Variants in PSMG2 observed in about 807,000 individuals in gnomAD.
PSMG2 encodes the protein proteasome assembly chaperone 2.
A neutral mutation model predicts 31.5 loss-of-function variants in PSMG2; 21 were observed. The observed-to-expected ratio is 0.67, with a 90% CI of 0.47 to 0.96. The LOEUF (loss-of-function observed/expected upper bound fraction) is 0.96, where lower values mean the gene tolerates loss of function less well. Among genes scored for constraint, PSMG2 ranks in the 40% least tolerant of loss-of-function variants. PSMG2 has a pLI of 0.00. For synonymous variants in PSMG2, 120 were observed against 110.4 expected, an observed-to-expected ratio of 1.09 and a Z score of -0.54; for missense variants, 318 against 321.2, an observed-to-expected ratio of 0.99 and a Z score of 0.08.
At chr18:12,680,803 A>G in intron 1 of PSMG2, 3 of 1,611,036 alleles carry the variant, frequency 1.9e-6, no homozygotes, top group Non-Finnish European at 2.5e-6. Flanking sequence ...GCTGCACAGA[A>G]GGTTAGCGTG....
intron 1 of PSMG2, among the ~76,000 whole-genome samples, chr18:12,704,896 G>C (rs1387033077): frequency 6.6e-6 from 1 of 152,178 alleles, no homozygotes; most frequent in African/African-American, 2.4e-5. Context: ...GGGAGAACAT[G>C]CTGAGGGAAC....
chr18:12,674,650 T>C lies in PSMG2; in HGVS notation c.-37+15877T>C, dbSNP rs373646506. 4.3e-5 allele frequency: 70 copies of C among 1,613,870 alleles called. No homozygotes were observed. Among genetic ancestry groups the C allele is most frequent in the African/African-American group, 2.4e-4 (18 of 74,904 alleles). On this transcript the variant is annotated intron_variant, in intron 1 of 6. Coordinates refer to the PSMG2 transcript ENST00000585331. The stretch of plus-strand genomic sequence containing the variant: ...TCTTATGGCATCTTGAAATTCTTCA[T>C]TGCCTGCTGATATACTTGTTGTACG...
upstream of PSMG2, chr18:12,702,678 C>T: frequency 9.6e-7 from 1 of 1,041,098 alleles, no homozygotes; most frequent in East Asian, 2.9e-5. Context: ...TAGCGCAGCT[C>T]CCGGGGGACG....
rs1259653623 is a variant in PSMG2 at position 12,675,866 on chromosome 18, A to C, written c.-37+17093A>C. ...GTATTTTTAGTAGAGACGGGCTTTC[A>C]CCATGTTGGCCAGGCTGGTCTCAAA... On this transcript the variant is annotated intron_variant, in intron 1 of 6. Transcript: ENST00000585331. 4.0e-5 allele frequency among the ~76,000 whole-genome samples: 6 copies of C among 151,754 alleles called. No homozygotes were observed. In the East Asian group the frequency reaches 1.2e-3, roughly 29 times the overall value.
intron 2 of PSMG2, among the ~76,000 whole-genome samples, chr18:12,711,233 C>A (rs1424308892): frequency 6.6e-6 from 1 of 151,636 alleles, no homozygotes; most frequent in Non-Finnish European, 1.5e-5. Flanking sequence ...TATCGCACCA[C>A]TGCACTTCAG....
chr18:12,675,562 CTT>C, intron 1 of PSMG2, among the ~76,000 whole-genome samples: 1 of 152,066 alleles, frequency 6.6e-6, no homozygotes, highest in Non-Finnish European at 1.5e-5. Flanking sequence ...CTCTATAAAA[CTT>C]ATATACTGTA....
upstream of PSMG2, chr18:12,702,820 C>G: frequency 1.8e-6 from 1 of 560,338 alleles, no homozygotes; most frequent in Non-Finnish European, 3.1e-6. Context: ...TTCCGCCCGC[C>G]GCTCCACCTC....
At chr18:12,713,557 T>A (rs910805895) in intron 3 of PSMG2, among the ~76,000 whole-genome samples, 2 of 152,154 alleles carry the variant, frequency 1.3e-5, no homozygotes, top group Non-Finnish European at 2.9e-5. Flanking sequence ...TGCTAACTCA[T>A]AGGGCTCATG....
intron 1 of PSMG2, among the ~76,000 whole-genome samples, chr18:12,664,175 A>AAG (rs71174120): frequency 0.37 from 56,796 of 151,704 alleles, 10,885 homozygotes; most frequent in Non-Finnish European, 0.43. Context: ...CAAAAGAAAA[A>AAG]AGAGTCCTCC....
chr18:12,660,075 C>T (rs549953918), intron 1 of PSMG2, among the ~76,000 whole-genome samples: 2 of 152,274 alleles, frequency 1.3e-5, no homozygotes, highest in African/African-American at 4.8e-5. Flanking sequence ...GCCCATTGCA[C>T]TTGGACAACT....
upstream of PSMG2, chr18:12,702,401 T>A: frequency 9.7e-7 from 1 of 1,027,192 alleles, no homozygotes; most frequent in Admixed American, 1.8e-5. Context: ...GGCAAGCAGA[T>A]GCCGCTGTCG....
chr18:12,667,797 AT>A (rs1227149575), intron 1 of PSMG2, among the ~76,000 whole-genome samples: 4 of 150,264 alleles, frequency 2.7e-5, no homozygotes, highest in Admixed American at 2.7e-4. Flanking sequence ...AGAAAATATA[AT>A]ATTCACTTAA....
rs1199763075 is a variant in PSMG2 at position 12,719,310 on chromosome 18, A to T, written c.407+675A>T. ...TAAATGTAAGACAGAGTATCCCAGA[A>T]ATAGAACTATAAGCTATCATTACCA... On this transcript the variant is annotated intron_variant, in intron 4 of 6. Coordinates refer to ENST00000317615, the MANE Select transcript of PSMG2 (RefSeq NM_020232.5). 2.0e-5 allele frequency among the ~76,000 whole-genome samples: 3 copies of T among 152,354 alleles called. 1 individual carries two copies. The South Asian group carries it at 6.2e-4, about 32-fold the overall frequency.
At chr18:12,684,188 C>A (rs2039456742) in intron 1 of PSMG2, 1 of 152,038 alleles carries the variant, frequency 6.6e-6, no homozygotes, top group African/African-American at 2.4e-5. Context: ...CAAGGATGAT[C>A]TCGATCTCCT....
At chr18:12,704,938 G>A (rs2040249288) in intron 1 of PSMG2, among the ~76,000 whole-genome samples, 1 of 152,190 alleles carries the variant, frequency 6.6e-6, no homozygotes, top group Admixed American at 6.5e-5. Context: ...AGGAGTTGTT[G>A]GAAGAATGCA....
At chr18:12,679,444 GCAGGCACT>G (rs1488227124) in intron 1 of PSMG2, among the ~76,000 whole-genome samples, 1 of 152,178 alleles carries the variant, frequency 6.6e-6, no homozygotes, top group African/African-American at 2.4e-5. Flanking sequence ...AAGCACACTA[GCAGGCACT>G]CTGGCTTTGT....
chr18:12,694,735 G>T (rs1193445681), intron 1 of PSMG2, among the ~76,000 whole-genome samples: 1 of 123,366 alleles, frequency 8.1e-6, no homozygotes, highest in African/African-American at 2.6e-5. Flanking sequence ...TTTTTGAGAT[G>T]GAGTCTTGCT....
At chr18:12,698,973 T>C (rs771305503), upstream of PSMG2, 1 of 1,585,642 alleles carries the variant, frequency 6.3e-7, no homozygotes, top group East Asian at 2.2e-5. Flanking sequence ...TATTACTGTT[T>C]CTTACCCAAG....
chr18:12,712,791 A>G (rs1256225386), intron 3 of PSMG2, 31 bp downstream of exon 3: 9 of 1,520,286 alleles, frequency 5.9e-6, no homozygotes, highest in Non-Finnish European at 8.2e-6. Flanking sequence ...CTTTTTGTTT[A>G]TTAAAGTGTA....
Sources: gnomAD v4.1 joint callset for allele counts (sites outside exome capture counted in the v4.1 genomes callset) on GRCh38, gnomAD v4.1.1 for gene constraint, MANE v1.5 for transcripts, NCBI Gene and HGNC (gene_info 2026-07-23, HGNC 2026-07-21) for gene names.